B3GALNT1: variants seen among roughly 807,000 people sequenced by gnomAD.
The protein encoded by B3GALNT1 is beta-1,3-N-acetylgalactosaminyltransferase 1 (Globoside blood group).
Under a neutral mutation model 27.3 loss-of-function variants are expected in B3GALNT1, and 17 were observed. That is an observed-to-expected ratio of 0.62 (90% confidence interval 0.43 to 0.94). The LOEUF is 0.94. B3GALNT1 is among the 40% of genes least tolerant of loss of function. The pLI is 0.00. For missense variants in B3GALNT1, 347 were observed against 390.0 expected, an observed-to-expected ratio of 0.89 and a Z score of 0.93; for synonymous variants, 141 against 144.0, an observed-to-expected ratio of 0.98 and a Z score of 0.15.
intron 4 of B3GALNT1, among the ~76,000 whole-genome samples, chr3:161,087,560 C>G (rs759648464): frequency 2.6e-5 from 4 of 152,174 alleles, no homozygotes; most frequent in Non-Finnish European, 5.9e-5. Context: ...TTTCACATTT[C>G]CCATTCCAAC....
At chr3:161,092,465 AACATACC>A (rs1405980176) in intron 4 of B3GALNT1, among the ~76,000 whole-genome samples, 1 of 152,176 alleles carries the variant, frequency 6.6e-6, no homozygotes, top group Admixed American at 6.6e-5. Flanking sequence ...ACTACAGGAA[AACATACC>A]ACACCTATCA....
chr3:161,086,426 T>C lies in B3GALNT1; in HGVS notation c.329A>G (p.Tyr110Cys). Residue 110 changes from tyrosine to cysteine, a missense_variant, in exon 5 of 5, where the codon TAT (tyrosine) becomes TGT (cysteine). Coordinates refer to ENST00000320474, the MANE Select transcript of B3GALNT1 (RefSeq NM_003781.4). Reference protein sequence around the residue: ...TWGEKKSWWGYEVLTFFLLGQ... With the variant: ...TWGEKKSWWGCEVLTFFLLGQ... ...TAATAAGAAAAATGTAAGAACCTCA[T>C]ATCCCCACCAAGACTTTTTTTCACC... 6.2e-7 allele frequency: 1 copy of C among 1,613,912 alleles called. No individual in the cohort carries two copies.
At chr3:161,094,640 G>A (rs6441353) in intron 4 of B3GALNT1, among the ~76,000 whole-genome samples, 32,987 of 151,958 alleles carry the variant, frequency 0.22, 3,689 homozygotes, top group African/African-American at 0.26. Flanking sequence ...GGGAATGCCA[G>A]AAGAGCACAG....
chr3:161,084,709 C>T lies in B3GALNT1; in HGVS notation c.*1050G>A, dbSNP rs1368701655. ...AAACTCATAACAGCAGCAGCTCAAACTGATTGTTAAAAGGAAAAAACACAG... is the reference window on the plus strand; with the variant it reads ...AAACTCATAACAGCAGCAGCTCAAATTGATTGTTAAAAGGAAAAAACACAG... On this transcript the variant is annotated 3_prime_UTR_variant, in exon 5 of 5. Transcript: ENST00000320474. 2 of 152,160 alleles carry T rather than the reference C, an allele frequency of 1.3e-5. No homozygotes were observed. Among genetic ancestry groups the T allele is most frequent in the East Asian group, 3.8e-4 (2 of 5,200 alleles). 9.4% of individuals were successfully genotyped at this position (152,160 alleles called of 1,614,324 possible).
rs1384784182 is a variant in B3GALNT1, at chr3:161,084,540, G to C, written c.*1219C>G. On this transcript the variant is annotated 3_prime_UTR_variant, in exon 5 of 5. Transcript: ENST00000320474. ...AAAACTGCATAAACCCAGGAACAGG[G>C]GGCAAGGAGTGCTCCCCTTTGACCT... 6.6e-6 allele frequency: 1 copy of C among 152,106 alleles called. No individual in the cohort carries two copies. Among genetic ancestry groups the C allele is most frequent in the Non-Finnish European group, 1.5e-5 (1 of 68,024 alleles). The allele number at this position is 152,106 out of a possible 1,614,324, so 9.4% of individuals were successfully genotyped here.
intron 3 of B3GALNT1, among the ~76,000 whole-genome samples, chr3:161,102,048 G>A (rs906409554): frequency 1.3e-5 from 2 of 152,126 alleles, no homozygotes; most frequent in African/African-American, 2.4e-5. Flanking sequence ...TTCTATCCCA[G>A]AAGCGGGCAA....
rs1226819299 is a variant in B3GALNT1 at position 161,101,197 on chromosome 3, A to AGCCAACAGGTCAACC, written c.-108_-94dup. 1.6e-6 allele frequency: 2 copies of AGCCAACAGGTCAACC among 1,289,822 alleles called. No homozygotes were observed. Among genetic ancestry groups the AGCCAACAGGTCAACC allele is most frequent in the African/African-American group, 3.0e-5 (2 of 65,852 alleles). 79.9% of individuals were successfully genotyped at this position (1,289,822 alleles called of 1,614,324 possible). On this transcript the variant is annotated 5_prime_UTR_variant, in exon 4 of 5. Coordinates refer to ENST00000320474, the MANE Select transcript of B3GALNT1 (RefSeq NM_003781.4). The stretch of plus-strand genomic sequence containing the variant: ...ACGTGATAGAGCAGCCAGCGGGAAG[A>AGCCAACAGGTCAACC]GCCAACAGGTCAACCGGGTCCAGGG...
At chr3:161,094,039 G>C (rs141244310) in intron 4 of B3GALNT1, among the ~76,000 whole-genome samples, 609 of 152,176 alleles carry the variant, frequency 4.0e-3, no homozygotes, top group African/African-American at 0.014. Context: ...TACTAGAAAA[G>C]CTCAGAAAAC....
At position 161,101,255 on chromosome 3, in the gene B3GALNT1, A is replaced by G. The variant is rs1439233994; in HGVS notation, c.-129-22T>C. ...AAAACTGGAGCAGAGCAAAGATCAC[A>G]AAGTCAGGCAGAACAGCAGCAAGAC... is the stretch of plus-strand genomic sequence containing the variant. On this transcript the variant is annotated intron_variant, in intron 3 of 4. Transcript: ENST00000320474. 2.3e-6 allele frequency: 3 copies of G among 1,277,550 alleles called. No individual in the cohort carries two copies. The Admixed American group carries it at 6.9e-5, about 29-fold the overall frequency. 79.1% of individuals were successfully genotyped at this position (1,277,550 alleles called of 1,614,324 possible).
At chr3:161,094,832 C>T (rs1727216588) in intron 4 of B3GALNT1, among the ~76,000 whole-genome samples, 2 of 152,156 alleles carry the variant, frequency 1.3e-5, no homozygotes, top group South Asian at 4.1e-4. Context: ...GCATTTGCCA[C>T]AATGCCGGGC....
At position 161,084,800 on chromosome 3, in the gene B3GALNT1, A is replaced by G. The variant is rs1720915530; in HGVS notation, c.*959T>C. 6.6e-6 allele frequency: 1 copy of G among 151,984 alleles called. No individual in the cohort carries two copies. Among genetic ancestry groups the G allele is most frequent in the African/African-American group, 2.4e-5 (1 of 41,378 alleles). 9.4% of individuals were successfully genotyped at this position (151,984 alleles called of 1,614,324 possible). A position where few individuals can be genotyped will look rare whatever the true frequency, so the allele number is the denominator to read the frequency against. ...TCCAATTCAAATGCTGGAATATGAC[A>G]CTCTTTTTATAATATTCTGCCCATG... On this transcript the variant is annotated 3_prime_UTR_variant, in exon 5 of 5. Coordinates refer to ENST00000320474, the MANE Select transcript of B3GALNT1 (RefSeq NM_003781.4).
intron 3 of B3GALNT1, among the ~76,000 whole-genome samples, chr3:161,102,639 G>A (rs546421794): frequency 6.6e-6 from 1 of 152,304 alleles, no homozygotes; most frequent in South Asian, 2.1e-4. Context: ...TAAATGAACT[G>A]TAACTTTTGA....
At chr3:161,093,618 A>G (rs903491952) in intron 4 of B3GALNT1, among the ~76,000 whole-genome samples, 1 of 152,230 alleles carries the variant, frequency 6.6e-6, no homozygotes, top group African/African-American at 2.4e-5. Flanking sequence ...AGGGAAGTAC[A>G]CTATTATTTT....
chr3:161,097,840 G>C (rs1325681051), intron 4 of B3GALNT1, among the ~76,000 whole-genome samples: 1 of 152,192 alleles, frequency 6.6e-6, no homozygotes, highest in African/African-American at 2.4e-5. Flanking sequence ...TTTGAGGATT[G>C]TGCATATTTG....
rs1412446411 is a variant in B3GALNT1, at chr3:161,086,458, A to G, written c.297T>C (p.Val99=). 6.2e-7 allele frequency: 1 copy of G among 1,613,992 alleles called. No homozygotes were observed. Among genetic ancestry groups the G allele is most frequent in the Non-Finnish European group, 8.5e-7 (1 of 1,180,038 alleles). Residue 99 remains valine (V), a synonymous_variant, in exon 5 of 5, where the codon GTT becomes GTC. Transcript: ENST00000320474. ...SDVKARQAIR[V]TWGEKKSWWG... ...ACCAAGACTTTTTTTCACCCCAAGTAACTCTAATGGCCTGCCTGGCTTTCA... is the reference window on the plus strand; with the variant it reads ...ACCAAGACTTTTTTTCACCCCAAGTGACTCTAATGGCCTGCCTGGCTTTCA...
chr3:161,086,602 G>T lies in B3GALNT1; in HGVS notation c.153C>A (p.Tyr51Ter). The T allele has an allele frequency of 6.2e-7, 1 of 1,614,176 alleles. No homozygotes were observed. The highest frequency in any genetic ancestry group is 8.5e-7 in the Non-Finnish European group (1 of 1,180,046). Residue 51 changes from tyrosine to a stop codon, truncating the protein, a stop_gained, in exon 5 of 5, where the codon TAC becomes TAA. Transcript: ENST00000320474. LOFTEE classifies it high-confidence loss of function. ...YNVIERVNWMYFYEYEPIYRQ... is the reference protein window; with the variant it reads ...YNVIERVNWM ...TGTAAATCGGCTCATACTCATAGAA[G>T]TACATCCAGTTCACGCGTTCTATCA...
chr3:161,104,697 C>T, intron 1 of B3GALNT1: 1 of 202,420 alleles, frequency 4.9e-6, no homozygotes, highest in Non-Finnish European at 1.0e-5. Flanking sequence ...ACATTCCTTC[C>T]CAATCCCTCC....
In B3GALNT1 at chr3:161,086,270, G is replaced by A; in HGVS notation, c.485C>T (p.Ala162Val). The A allele has an allele frequency of 6.2e-7, 1 of 1,614,126 alleles. No individual in the cohort carries two copies. Among genetic ancestry groups the A allele is most frequent in the South Asian group, 1.1e-5 (1 of 91,086 alleles). Residue 162 changes from alanine to valine, a missense_variant, in exon 5 of 5, where the codon GCA becomes GTA. Physicochemically the swap from Ala to Val is moderately conservative, Grantham distance 64. Coordinates refer to ENST00000320474, the MANE Select transcript of B3GALNT1 (RefSeq NM_003781.4). ...GCAAAACTCAGTTACCCACCTGAAT[G>A]CCATAATGGTTTTCAAGGTCAGGTT... ...YNNLTLKTIM[A>V]FRWVTEFCPN...
At chr3:161,098,564 T>C (rs183169043) in intron 4 of B3GALNT1, among the ~76,000 whole-genome samples, 1 of 152,218 alleles carries the variant, frequency 6.6e-6, no homozygotes, top group East Asian at 1.9e-4. Context: ...AACACAAAAA[T>C]TAGCCAGGCA....
Sources: gnomAD v4.1 joint callset for allele counts (sites outside exome capture counted in the v4.1 genomes callset) on GRCh38, gnomAD v4.1.1 for gene constraint, MANE v1.5 for transcripts, NCBI Gene and HGNC (gene_info 2026-07-23, HGNC 2026-07-21) for gene names.